Variants in CD44 observed in about 807,000 individuals in gnomAD.
CD44 encodes CD44 antigen.
In CD44, 49 loss-of-function variants were observed where a neutral mutation model predicts 88.8. That is an observed-to-expected ratio of 0.55 (90% CI 0.44 to 0.70). The LOEUF (loss-of-function observed/expected upper bound fraction) is 0.70, where lower values mean the gene tolerates loss of function less well. Among genes scored for constraint, CD44 ranks in the 30% least tolerant of loss-of-function variants. CD44 has a pLI of 0.00. For missense variants in CD44, 883 were observed against 913.8 expected (o/e 0.97, Z 0.43); for synonymous variants, 325 against 312.3 (o/e 1.04, Z -0.43).
chr11:35,152,165 A>G (rs981373523), intron 1 of CD44, among the ~76,000 whole-genome samples: 1 of 152,138 alleles, frequency 6.6e-6, no homozygotes, highest in African/African-American at 2.4e-5. Context: ...CCAAATGCAA[A>G]CAGCAGCCAC....
At chr11:35,205,918 G>A (rs1242988218) in intron 10 of CD44, 194 bp from the exon 11 acceptor site, 2 of 1,235,932 alleles carry the variant, frequency 1.6e-6, no homozygotes, top group Admixed American at 8.7e-5. Flanking sequence ...TGATTGCTAA[G>A]AAGAAAATGA....
chr11:35,203,553 A>G (rs569403074), intron 9 of CD44, among the ~76,000 whole-genome samples: 1 of 152,250 alleles, frequency 6.6e-6, no homozygotes, highest in South Asian at 2.1e-4. Flanking sequence ...GGCCGATGGA[A>G]GGGTAAAATG....
At position 35,198,271 on chromosome 11, in the gene CD44, G is replaced by A. The variant is rs774976608; in HGVS notation, c.922+25G>A. 7.5e-6 allele frequency: 12 copies of A among 1,608,424 alleles called. No homozygotes were observed. In the South Asian group the frequency reaches 1.2e-4, roughly 16 times the overall value. ...AGTAAGAATAATCAATTACAGTACA[G>A]CCATTTATGCAAGGCTTATTGATTA... On this transcript the variant is annotated intron_variant, in intron 7 of 17. Coordinates refer to ENST00000428726, the MANE Select transcript of CD44 (RefSeq NM_000610.4).
chr11:35,212,801 A>C (rs1339688391), intron 14 of CD44: 2 of 152,156 alleles, frequency 1.3e-5, no homozygotes, highest in East Asian at 3.8e-4. Context: ...TCTTGGCAAA[A>C]GAAAGCCTGT....
At chr11:35,173,574 A>G (rs1031115940) in intron 1 of CD44, among the ~76,000 whole-genome samples, 5 of 152,234 alleles carry the variant, frequency 3.3e-5, no homozygotes, top group African/African-American at 9.6e-5. Context: ...CTAATGATGC[A>G]AACAAAAGAA....
At position 35,229,913 on chromosome 11, in the gene CD44, A is replaced by G. The variant is rs1439159540; in HGVS notation, c.*580A>G. ...TAAACTATTTATCTGTGTTTTTGAA[A>G]TATTAAACCCTGGATCAGTCCTTTG... On this transcript the variant is annotated 3_prime_UTR_variant, in exon 18 of 18. Coordinates refer to ENST00000428726, the MANE Select transcript of CD44 (RefSeq NM_000610.4). The G allele has an allele frequency of 6.5e-6, 1 of 153,308 alleles. No homozygotes were observed. Among genetic ancestry groups the G allele is most frequent in the Non-Finnish European group, 1.5e-5 (1 of 68,772 alleles). The allele number at this position is 153,308 out of a possible 1,614,324, so 9.5% of individuals were successfully genotyped here.
intron 1 of CD44, among the ~76,000 whole-genome samples, chr11:35,153,810 A>T (rs1350782625): frequency 6.6e-6 from 1 of 152,250 alleles, no homozygotes; most frequent in East Asian, 1.9e-4. Flanking sequence ...CTGTTGGATG[A>T]ATAGCAGTAA....
At chr11:35,140,663 T>G (rs1214154103) in intron 1 of CD44, among the ~76,000 whole-genome samples, 1 of 152,144 alleles carries the variant, frequency 6.6e-6, no homozygotes, top group African/African-American at 2.4e-5. Flanking sequence ...GAGAGGTCTT[T>G]GCTAGGTGGG....
chr11:35,147,899 A>T (rs993358527), intron 1 of CD44, among the ~76,000 whole-genome samples: 1 of 151,612 alleles, frequency 6.6e-6, no homozygotes, highest in Admixed American at 6.6e-5. Flanking sequence ...GACCAGCCTG[A>T]CCAACATGGA....
At chr11:35,150,139 C>T (rs942070983) in intron 1 of CD44, among the ~76,000 whole-genome samples, 6 of 152,348 alleles carry the variant, frequency 3.9e-5, no homozygotes, top group African/African-American at 1.4e-4. Flanking sequence ...CCTTCACTCT[C>T]AGAGCTTCAT....
chr11:35,215,611 C>T lies in CD44; in HGVS notation c.1873+697C>T, dbSNP rs376873907. On this transcript the variant is annotated intron_variant, in intron 15 of 17. Coordinates refer to ENST00000428726, the MANE Select transcript of CD44 (RefSeq NM_000610.4). ...AGAACAGGTCAATATCGGCCAGGCA[C>T]GGTGGCTCACACCTGTAATCCCAGC... Among the ~76,000 whole-genome samples, 17 of 152,184 alleles carry T rather than the reference C, an allele frequency of 1.1e-4. No individual in the cohort carries two copies. The South Asian group carries it at 1.2e-3, about 11-fold the overall frequency.
chr11:35,224,935 A>G (rs971357681), intron 17 of CD44, among the ~76,000 whole-genome samples: 2 of 152,306 alleles, frequency 1.3e-5, no homozygotes, highest in African/African-American at 4.8e-5. Flanking sequence ...ACGCATCGCC[A>G]TAATTTAGAA....
intron 9 of CD44, among the ~76,000 whole-genome samples, chr11:35,202,445 C>T (rs1947403681): frequency 6.6e-6 from 1 of 152,150 alleles, no homozygotes; most frequent in South Asian, 2.1e-4. Context: ...TAGGGGGCCC[C>T]CTCACTCCCC....
intron 1 of CD44, among the ~76,000 whole-genome samples, chr11:35,150,147 C>A (rs1038635193): frequency 6.6e-6 from 1 of 152,208 alleles, no homozygotes; most frequent in Non-Finnish European, 1.5e-5. Context: ...CTCAGAGCTT[C>A]ATGAGCACCT....
In CD44 at chr11:35,229,893, T is replaced by G. The variant is rs1056488860; in HGVS notation, c.*560T>G. The G allele has an allele frequency of 2.0e-5, 3 of 153,822 alleles. No individual in the cohort carries two copies. The highest frequency in any genetic ancestry group is 7.2e-5 in the African/African-American group (3 of 41,486). 9.5% of individuals were successfully genotyped at this position (153,822 alleles called of 1,614,324 possible). A position where few individuals can be genotyped will look rare whatever the true frequency, so the allele number is the denominator to read the frequency against. On this transcript the variant is annotated 3_prime_UTR_variant, in exon 18 of 18. Transcript: ENST00000428726. Reference sequence around the variant, plus strand: ...GTGAAGCTATTTATCTGTAGTAAACTATTTATCTGTGTTTTTGAAATATTA... The same window carrying G: ...GTGAAGCTATTTATCTGTAGTAAACGATTTATCTGTGTTTTTGAAATATTA...
intron 1 of CD44, among the ~76,000 whole-genome samples, chr11:35,167,337 T>C (rs1203425345): frequency 6.6e-6 from 1 of 152,188 alleles, no homozygotes; most frequent in African/African-American, 2.4e-5. Flanking sequence ...TACTCGGCTA[T>C]CCTTGATTTT....
intron 14 of CD44, among the ~76,000 whole-genome samples, chr11:35,212,359 C>T (rs1197128879): frequency 6.6e-6 from 1 of 151,258 alleles, no homozygotes; most frequent in African/African-American, 2.4e-5. Flanking sequence ...CTCCTCCCCC[C>T]AAAAAAGAAA....
intron 1 of CD44, among the ~76,000 whole-genome samples, chr11:35,174,664 G>A (rs925438283): frequency 2.0e-5 from 3 of 152,138 alleles, no homozygotes; most frequent in Non-Finnish European, 4.4e-5. Flanking sequence ...TAAAGTCCTT[G>A]TATTGAATAA....
chr11:35,201,845 CA>C lies in CD44; in HGVS notation c.1153+60del, dbSNP rs1204222099. ...AGATGAATTAGTAAAGACATTCCAG[CA>C]ATAGGGAAGATTTTGTTTAGAAATT... On this transcript the variant is annotated intron_variant, in intron 9 of 17. Transcript: ENST00000428726. 1.9e-6 allele frequency: 3 copies of C among 1,559,696 alleles called. No homozygotes were observed. The African/African-American group carries it at 4.1e-5, about 21-fold the overall frequency.
Sources: gnomAD v4.1 joint callset for allele counts (sites outside exome capture counted in the v4.1 genomes callset) on GRCh38, gnomAD v4.1.1 for gene constraint, MANE v1.5 for transcripts, NCBI Gene and HGNC (gene_info 2026-07-23, HGNC 2026-07-21) for gene names.